The following LSM14A variants were observed in gnomAD, a reference collection of about 807,000 sequenced individuals.
LSM14A encodes protein LSM14 homolog A.
Under a neutral mutation model 52.4 loss-of-function variants are expected in LSM14A, and 14 were observed. That is an observed-to-expected ratio of 0.27 (90% CI 0.18 to 0.42). LSM14A has a LOEUF of 0.42. Among genes scored for constraint, LSM14A ranks in the 10% least tolerant of loss-of-function variants. The pLI is 1.00. For synonymous variants in LSM14A, 185 were observed against 200.3 expected (o/e 0.92, Z 0.64); for missense variants, 417 against 581.8 (o/e 0.72, Z 2.91).
intron 1 of LSM14A, among the ~76,000 whole-genome samples, chr19:34,184,729 T>G (rs2069759039): frequency 6.6e-6 from 1 of 152,206 alleles, no homozygotes; most frequent in Non-Finnish European, 1.5e-5. Flanking sequence ...AATTTGGGGT[T>G]TAGGTTACAG....
intron 1 of LSM14A, among the ~76,000 whole-genome samples, chr19:34,181,751 A>G (rs2069496785): frequency 6.6e-6 from 1 of 152,156 alleles, no homozygotes; most frequent in South Asian, 2.1e-4. Flanking sequence ...GATCTCATCC[A>G]TCTAGTTCCT....
In LSM14A at chr19:34,213,814, T is replaced by C. The variant is rs1306214747; in HGVS notation, c.539-1310T>C. Among the ~76,000 whole-genome samples, 4 of 152,152 alleles carry C rather than the reference T, an allele frequency of 2.6e-5. No homozygotes were observed. The East Asian group carries it at 7.7e-4, about 29-fold the overall frequency. ...TTGTATTTTTTGAGACAGAGTCTAG[T>C]TTTGTCACCCAGGCTGGATGCAGTG... On this transcript the variant is annotated intron_variant, in intron 4 of 9. Transcript: ENST00000544216.
chr19:34,205,727 TGAAA>T (rs1365194226), intron 3 of LSM14A, among the ~76,000 whole-genome samples: 6 of 150,682 alleles, frequency 4.0e-5, no homozygotes. Flanking sequence ...GGAAAAAAAA[TGAAA>T]GAAAATTATT....
intron 3 of LSM14A, among the ~76,000 whole-genome samples, chr19:34,200,868 G>A (rs1205681456): frequency 6.6e-6 from 1 of 152,060 alleles, no homozygotes; most frequent in Non-Finnish European, 1.5e-5. Flanking sequence ...TATCCTTTTT[G>A]AGGCTCCTTT....
At chr19:34,213,751 A>T (rs1005420346) in intron 4 of LSM14A, among the ~76,000 whole-genome samples, 2 of 152,178 alleles carry the variant, frequency 1.3e-5, no homozygotes, top group African/African-American at 4.8e-5. Flanking sequence ...TATAATGTAT[A>T]AGTACAAACC....
intron 1 of LSM14A, among the ~76,000 whole-genome samples, chr19:34,174,114 T>C (rs1220588167): frequency 6.6e-6 from 1 of 152,126 alleles, no homozygotes; most frequent in African/African-American, 2.4e-5. Flanking sequence ...CACCCCTAGC[T>C]AATTTGGTAT....
chr19:34,215,906 A>G (rs1490294709), intron 6 of LSM14A, among the ~76,000 whole-genome samples: 1 of 152,160 alleles, frequency 6.6e-6, no homozygotes, highest in African/African-American at 2.4e-5. Context: ...AAATGAGTAC[A>G]TGTACAAACT....
chr19:34,221,765 T>A, intron 9 of LSM14A, 27 bp downstream of exon 9: 1 of 1,586,078 alleles, frequency 6.3e-7, no homozygotes, highest in East Asian at 2.3e-5. Context: ...ATAAATTCTT[T>A]GGGGTTGACA....
chr19:34,211,645 AGAGTATGATGGTG>A (rs2072161683), intron 4 of LSM14A, among the ~76,000 whole-genome samples: 1 of 151,986 alleles, frequency 6.6e-6, no homozygotes, highest in African/African-American at 2.4e-5. Context: ...AAAAATAAGC[AGAGTATGATGGTG>A]GACACCTGTG....
chr19:34,185,139 T>C (rs1299820883), intron 1 of LSM14A, among the ~76,000 whole-genome samples: 1 of 152,216 alleles, frequency 6.6e-6, no homozygotes, highest in Non-Finnish European at 1.5e-5. Context: ...CAGTCGAAGA[T>C]GATGTAACCT....
intron 8 of LSM14A, among the ~76,000 whole-genome samples, chr19:34,220,592 C>A (rs1045797330): frequency 6.7e-6 from 1 of 149,376 alleles, no homozygotes; most frequent in African/African-American, 2.5e-5. Context: ...ACTAACAGTT[C>A]TAGAGGTTCT....
At chr19:34,218,815 C>G (rs937859934) in intron 6 of LSM14A, among the ~76,000 whole-genome samples, 1 of 152,090 alleles carries the variant, frequency 6.6e-6, no homozygotes, top group Non-Finnish European at 1.5e-5. Flanking sequence ...TCTGGAGAGA[C>G]ACAGTAAAGA....
At chr19:34,204,793 A>T (rs76029269) in intron 3 of LSM14A, among the ~76,000 whole-genome samples, 2,400 of 152,292 alleles carry the variant, frequency 0.016, 30 homozygotes, top group Non-Finnish European at 0.025. Flanking sequence ...TAGCTAAAAC[A>T]GTGTTTAGAA....
chr19:34,183,496 A>T (rs142681547), intron 1 of LSM14A, among the ~76,000 whole-genome samples: 2 of 152,240 alleles, frequency 1.3e-5, no homozygotes, highest in African/African-American at 4.8e-5. Context: ...GGTTACAGTG[A>T]GCTGAGATCG....
Position 34,213,147 on chromosome 19 carries a change from T to A in LSM14A, c.539-1977T>A, listed in dbSNP as rs373055258. On this transcript the variant is annotated intron_variant, in intron 4 of 9. Coordinates refer to ENST00000544216, the MANE Select transcript of LSM14A (RefSeq NM_015578.4). ...GCCAGAGCAACAGAACAAGACCCTA[T>A]CCTGTCCCTAAAAAACAAAAAACAA... Among the ~76,000 whole-genome samples, 4 of 147,430 alleles carry A rather than the reference T, an allele frequency of 2.7e-5. No homozygotes were observed. In the East Asian group the frequency reaches 5.8e-4, roughly 21 times the overall value.
intron 3 of LSM14A, among the ~76,000 whole-genome samples, chr19:34,207,173 G>T (rs904408895): frequency 6.6e-6 from 1 of 152,126 alleles, no homozygotes; most frequent in Admixed American, 6.5e-5. Context: ...GAGCGAGGGG[G>T]GTGTGGCACG....
In LSM14A at chr19:34,217,617, G is replaced by GTT. The variant is rs1568498334; in HGVS notation, c.782-1773_782-1772insTT. Among the ~76,000 whole-genome samples the GTT allele has an allele frequency of 3.5e-3, 127 of 36,686 alleles. 13 individuals carry two copies. The highest frequency in any genetic ancestry group is 4.6e-3 in the Non-Finnish European group (100 of 21,588). 24.1% of individuals were successfully genotyped at this position (36,686 alleles called of 152,430 possible). On this transcript the variant is annotated intron_variant, in intron 6 of 9. Transcript: ENST00000544216. Reference sequence around the variant, plus strand: ...ATATATTTTTATATCCCCCCCCCCCGTGTTTTTTTTTTTTTTTTTTTTTTT... The same window carrying GTT: ...ATATATTTTTATATCCCCCCCCCCCGTTTGTTTTTTTTTTTTTTTTTTTTTTT...
chr19:34,205,487 C>CAAAAAAAAA (rs140536208), intron 3 of LSM14A, among the ~76,000 whole-genome samples: 5 of 95,180 alleles, frequency 5.3e-5, no homozygotes, highest in African/African-American at 7.3e-5. Context: ...CTCCATCTCA[C>CAAAAAAAAA]AAAAAAAAAA....
rs74177122 is a variant in LSM14A, at chr19:34,226,060, C to CAA, written c.1369-1294_1369-1293dup. Among the ~76,000 whole-genome samples, 6 of 131,580 alleles carry CAA rather than the reference C, an allele frequency of 4.6e-5. No homozygotes were observed. In the East Asian group the frequency reaches 1.1e-3, roughly 24 times the overall value. The allele number at this position is 131,580 out of a possible 152,430, so 86.3% of individuals were successfully genotyped here. ...CTGGGTGACAGAGCGAGGCCTGTCT[C>CAA]AAAAAAAAAAAAGAAAAGAAAGAAA... On this transcript the variant is annotated intron_variant, in intron 9 of 9. Coordinates refer to ENST00000544216, the MANE Select transcript of LSM14A (RefSeq NM_015578.4).
Sources: allele counts gnomAD v4.1 joint callset (sites outside exome capture counted in the v4.1 genomes callset), GRCh38; gene constraint gnomAD v4.1.1; transcripts MANE v1.5; gene names NCBI Gene and HGNC (gene_info 2026-07-23, HGNC 2026-07-21).